EFNA3: variants seen among roughly 807,000 people sequenced by gnomAD.
EFNA3 encodes ephrin-A3.
Under a neutral mutation model 25.0 loss-of-function variants are expected in EFNA3, and 15 were observed. The ratio of observed to expected loss-of-function variants is 0.60; its 90% confidence interval spans 0.40 to 0.92. EFNA3 has a LOEUF of 0.92. Ranked by LOEUF, EFNA3 falls within the 40% of genes least tolerant of loss-of-function variation. EFNA3 has a pLI of 0.00. For missense variants in EFNA3, 298 were observed against 323.8 expected (o/e 0.92, Z 0.61); for synonymous variants, 153 against 145.6 (o/e 1.05, Z -0.37).
Position 155,079,098 on chromosome 1 carries a change from G to A in EFNA3, c.128+29G>A, listed in dbSNP as rs766007712. The A allele has an allele frequency of 7.7e-7, 1 of 1,302,824 alleles. No individual in the cohort carries two copies. Among genetic ancestry groups the A allele is most frequent in the Non-Finnish European group, 9.8e-7 (1 of 1,017,786 alleles). 80.7% of individuals were successfully genotyped at this position (1,302,824 alleles called of 1,614,324 possible). On this transcript the variant is annotated intron_variant, in intron 1 of 4. Coordinates refer to ENST00000368408, the MANE Select transcript of EFNA3 (RefSeq NM_004952.5). This position sits in a 1 kb window ranked among gnomAD's most constrained non-coding sequence, Gnocchi z 7.7. Reference sequence around the variant, plus strand: ...AGTCGGGGACCCTGGGAGTCCGCGCGTCCCGTCTCAGTGAGAGGGGGAGCC... The same window carrying A: ...AGTCGGGGACCCTGGGAGTCCGCGCATCCCGTCTCAGTGAGAGGGGGAGCC...
chr1:155,086,256 C>T (rs1468588332), intron 4 of EFNA3, 51 bp downstream of exon 4: 7 of 1,598,464 alleles, frequency 4.4e-6, no homozygotes, highest in East Asian at 2.2e-5. Flanking sequence ...CGCAGCCCCC[C>T]GCCCCGGTGC....
Position 155,080,987 on chromosome 1 carries a change from G to A in EFNA3, c.128+1918G>A, listed in dbSNP as rs565770265. 5.9e-5 allele frequency among the ~76,000 whole-genome samples: 9 copies of A among 152,280 alleles called. No individual in the cohort carries two copies. The highest frequency in any genetic ancestry group is 3.9e-4 in the Admixed American group (6 of 15,308). On this transcript the variant is annotated intron_variant, in intron 1 of 4. Coordinates refer to ENST00000368408, the MANE Select transcript of EFNA3 (RefSeq NM_004952.5). This position sits in a 1 kb window ranked among gnomAD's most constrained non-coding sequence, Gnocchi z 7.0. ...AGAATGGAGAGGGCCGGGGAGCTGG[G>A]GGCGGGGCCGACCGAGCCACAGGCT... is the stretch of plus-strand genomic sequence containing the variant.
rs1330299581 is a variant in EFNA3, at chr1:155,080,766, G to T, written c.128+1697G>T. ...GGGTGGGGGAGCCCGGGTTCCGGGA[G>T]CCTCCTTTCTGTCCTCTCTACTCCG... On this transcript the variant is annotated intron_variant, in intron 1 of 4. Coordinates refer to ENST00000368408, the MANE Select transcript of EFNA3 (RefSeq NM_004952.5). This position sits in a 1 kb window ranked among gnomAD's most constrained non-coding sequence, Gnocchi z 7.0. Among the ~76,000 whole-genome samples the T allele has an allele frequency of 5.3e-5, 8 of 152,186 alleles. No individual in the cohort carries two copies. The highest frequency in any genetic ancestry group is 5.2e-4 in the Admixed American group (8 of 15,286).
chr1:155,086,010 C>T, intron 3 of EFNA3, 68 bp downstream of exon 3: 1 of 1,576,662 alleles, frequency 6.3e-7, no homozygotes, highest in Non-Finnish European at 8.6e-7. Flanking sequence ...CCCTGGCTTC[C>T]TGGGGGTGGG....
At chr1:155,083,565 T>C (rs1052234009) in intron 1 of EFNA3, among the ~76,000 whole-genome samples, 4 of 152,214 alleles carry the variant, frequency 2.6e-5, no homozygotes, top group African/African-American at 7.2e-5. Flanking sequence ...CAATTCTTAC[T>C]GGGGTACCCA....
chr1:155,085,231 T>G lies in EFNA3; in HGVS notation c.269T>G (p.Met90Arg). ...GGGAEQYVLY[M>R]VSRNGYRTCN... ...GGGGCAGAGCAGTACGTGCTGTACA[T>G]GGTGAGCCGCAACGGCTACCGCACC... is the stretch of plus-strand genomic sequence containing the variant. Residue 90 changes from methionine (M) to arginine (R), a missense_variant, in exon 2 of 5, where the codon ATG (methionine) becomes AGG (arginine). Physicochemically the swap from Met to Arg is moderately conservative, Grantham distance 91. Coordinates refer to ENST00000368408, the MANE Select transcript of EFNA3 (RefSeq NM_004952.5). This position sits in a 1 kb window ranked among gnomAD's most constrained non-coding sequence, Gnocchi z 4.4. The G allele has an allele frequency of 6.2e-7, 1 of 1,612,870 alleles. No homozygotes were observed. Among genetic ancestry groups the G allele is most frequent in the Non-Finnish European group, 8.5e-7 (1 of 1,179,758 alleles).
chr1:155,082,315 G>T (rs1289040755), intron 1 of EFNA3, among the ~76,000 whole-genome samples: 1 of 152,230 alleles, frequency 6.6e-6, no homozygotes, highest in Non-Finnish European at 1.5e-5. Context: ...GACCGGGGCT[G>T]GGGGTGGAGG....
In EFNA3 at chr1:155,085,543, G is replaced by A. The variant is rs1319133515; in HGVS notation, c.442+139G>A. 1 of 1,082,058 alleles carries A rather than the reference G, an allele frequency of 9.2e-7. No homozygotes were observed. The highest frequency in any genetic ancestry group is 1.3e-6 in the Non-Finnish European group (1 of 774,636). 67.0% of individuals were successfully genotyped at this position (1,082,058 alleles called of 1,614,324 possible). On this transcript the variant is annotated intron_variant, in intron 2 of 4. Transcript: ENST00000368408. This position sits in a 1 kb window ranked among gnomAD's most constrained non-coding sequence, Gnocchi z 4.4. ...GGCTGAGACCAGGGAGGAGGCGTGGGCACGGGACGCCTGAGGGGTTCAGCT... is the reference window on the plus strand; with the variant it reads ...GGCTGAGACCAGGGAGGAGGCGTGGACACGGGACGCCTGAGGGGTTCAGCT...
intron 3 of EFNA3, 74 bp downstream of exon 3, chr1:155,086,016 G>T (rs1012908368): frequency 4.2e-5 from 66 of 1,572,732 alleles, no homozygotes; most frequent in African/African-American, 6.8e-5. Context: ...CTTCCTGGGG[G>T]TGGGGGCGGA....
Position 155,085,730 on chromosome 1 carries a change from TA to T in EFNA3, c.443-144del. The stretch of plus-strand genomic sequence containing the variant: ...GGGCGTCTAGGGCCGACGGCAGAGC[TA>T]AAGTGACCCGTGTCCAAAGGGTAGG... On this transcript the variant is annotated intron_variant, in intron 2 of 4. Coordinates refer to ENST00000368408, the MANE Select transcript of EFNA3 (RefSeq NM_004952.5). This position sits in a 1 kb window ranked among gnomAD's most constrained non-coding sequence, Gnocchi z 4.4. 1 of 943,660 alleles carries T rather than the reference TA, an allele frequency of 1.1e-6. No homozygotes were observed. Among genetic ancestry groups the T allele is most frequent in the Non-Finnish European group, 1.6e-6 (1 of 624,130 alleles). The allele number at this position is 943,660 out of a possible 1,614,324, so 58.5% of individuals were successfully genotyped here.
At position 155,087,393 on chromosome 1, in the gene EFNA3, C is replaced by T. The variant is rs11554834; in HGVS notation, c.*850C>T. On this transcript the variant is annotated 3_prime_UTR_variant, in exon 5 of 5. Transcript: ENST00000368408. ...AACAACAACGCCCCCTCCCTTCCAGCCCTGAGCCGGGAACCATCTCCCAGG... is the reference window on the plus strand; with the variant it reads ...AACAACAACGCCCCCTCCCTTCCAGTCCTGAGCCGGGAACCATCTCCCAGG... 4,444 of 153,050 alleles carry T rather than the reference C, an allele frequency of 0.029. 90 individuals carry two copies. The highest frequency in any genetic ancestry group is 0.044 in the Non-Finnish European group (3,033 of 68,160). The allele number at this position is 153,050 out of a possible 1,614,324, so 9.5% of individuals were successfully genotyped here. A position where few individuals can be genotyped will look rare whatever the true frequency, so the allele number is the denominator to read the frequency against.
chr1:155,082,921 ACCCCGTTTGT>A (rs765893191), intron 1 of EFNA3, among the ~76,000 whole-genome samples: 18 of 152,098 alleles, frequency 1.2e-4, no homozygotes, highest in Non-Finnish European at 2.1e-4. Context: ...CCTGGCTCTC[ACCCCGTTTGT>A]CCCCGTGCCC....
intron 4 of EFNA3, 46 bp downstream of exon 4, chr1:155,086,251 C>G (rs766775478): frequency 6.2e-7 from 1 of 1,601,688 alleles, no homozygotes; most frequent in South Asian, 1.1e-5. Flanking sequence ...GGAACCGCAG[C>G]CCCCCGCCCC....
chr1:155,086,442 C>T lies in EFNA3; in HGVS notation c.616C>T (p.Pro206Ser), dbSNP rs1166777002. 7.4e-6 allele frequency: 12 copies of T among 1,614,090 alleles called. No homozygotes were observed. The highest frequency in any genetic ancestry group is 1.0e-5 in the Non-Finnish European group (12 of 1,179,972). Residue 206 changes from proline (P) to serine (S), a missense_variant, in exon 5 of 5, where the codon CCC (proline) becomes TCC (serine). Transcript: ENST00000368408. Reference protein sequence around the residue: ...EDFEGENPQVPKLEKSISGTS... With the variant: ...EDFEGENPQVSKLEKSISGTS... ...CTTTGAGGGAGAGAACCCTCAGGTGCCCAAGCTTGAGAAGAGCATCAGCGG... is the reference window on the plus strand; with the variant it reads ...CTTTGAGGGAGAGAACCCTCAGGTGTCCAAGCTTGAGAAGAGCATCAGCGG...
chr1:155,086,034 G>A (rs1663449142), intron 3 of EFNA3, 92 bp downstream of exon 3: 1 of 1,573,008 alleles, frequency 6.4e-7, no homozygotes, highest in South Asian at 1.2e-5. Context: ...GGAGGGCACA[G>A]GTGAGGGGGG....
intron 4 of EFNA3, 55 bp downstream of exon 4, chr1:155,086,260 C>T: frequency 6.2e-7 from 1 of 1,600,270 alleles, no homozygotes; most frequent in Admixed American, 1.7e-5. Context: ...GCCCCCCGCC[C>T]CGGTGCCTGC....
chr1:155,080,257 G>A lies in EFNA3; in HGVS notation c.128+1188G>A, dbSNP rs1410082118. ...GGGAGGGGACCGGGAGGGCCGGGCG[G>A]CCGCGACCCCCAACCTCTCGGAGGA... On this transcript the variant is annotated intron_variant, in intron 1 of 4. Transcript: ENST00000368408. This position sits in a 1 kb window ranked among gnomAD's most constrained non-coding sequence, Gnocchi z 7.0. Among the ~76,000 whole-genome samples the A allele has an allele frequency of 6.6e-6, 1 of 152,126 alleles. No homozygotes were observed. The highest frequency in any genetic ancestry group is 2.4e-5 in the African/African-American group (1 of 41,430).
At position 155,085,396 on chromosome 1, in the gene EFNA3, A is replaced by G. The variant is rs1172848538; in HGVS notation, c.434A>G (p.Tyr145Cys). ...GAGTTCCACGCCGGCCACGAGTACT[A>G]CTACATCTGTGAGTGACGGCGGCCG... ...GYEFHAGHEYYYISTPTHNLH... is the reference protein window; with the variant it reads ...GYEFHAGHEYCYISTPTHNLH... Residue 145 changes from tyrosine (Y) to cysteine (C), a missense_variant, in exon 2 of 5, where the codon TAC becomes TGC. Physicochemically the swap from Tyr to Cys is radical, Grantham distance 194 (BLOSUM62 -2). Coordinates refer to ENST00000368408, the MANE Select transcript of EFNA3 (RefSeq NM_004952.5). This position sits in a 1 kb window ranked among gnomAD's most constrained non-coding sequence, Gnocchi z 4.4. The G allele has an allele frequency of 6.3e-7, 1 of 1,593,602 alleles. No individual in the cohort carries two copies. The highest frequency in any genetic ancestry group is 8.6e-7 in the Non-Finnish European group (1 of 1,166,756).
intron 1 of EFNA3, among the ~76,000 whole-genome samples, chr1:155,084,330 A>T (rs1312872563): frequency 2.0e-5 from 3 of 152,220 alleles, no homozygotes; most frequent in Non-Finnish European, 4.4e-5. Context: ...ACGGGACTCA[A>T]GGTACAGAAG....
Sources: gnomAD v4.1 joint callset for allele counts (sites outside exome capture counted in the v4.1 genomes callset) on GRCh38, gnomAD v4.1.1 for gene constraint, Gnocchi (gnomAD v3.1) non-coding constraint, MANE v1.5 for transcripts, NCBI Gene and HGNC (gene_info 2026-07-23, HGNC 2026-07-21) for gene names.